PPP2R2B: variants seen among roughly 807,000 people sequenced by gnomAD.
The protein encoded by PPP2R2B is protein phosphatase 2 regulatory subunit Bbeta.
In PPP2R2B, 5 loss-of-function variants were observed where a neutral mutation model predicts 46.0. The observed-to-expected ratio is 0.11, with a 90% CI of 0.06 to 0.23. The LOEUF (loss-of-function observed/expected upper bound fraction) is 0.23, where lower values mean the gene tolerates loss of function less well. Among genes scored for constraint, PPP2R2B ranks in the 10% least tolerant of loss-of-function variants. The probability of loss-of-function intolerance (pLI) is 1.00; values close to 1 mark genes in which losing one functional copy is unlikely to be tolerated. For synonymous variants in PPP2R2B, 215 were observed against 206.7 expected, an observed-to-expected ratio of 1.04 and a Z score of -0.34; for missense variants, 367 against 575.0, an observed-to-expected ratio of 0.64 and a Z score of 3.70.
intron 1 of PPP2R2B, among the ~76,000 whole-genome samples, chr5:146,954,083 T>G (rs1291407578): frequency 1.3e-5 from 2 of 151,910 alleles, no homozygotes; most frequent in East Asian, 3.9e-4. Context: ...ATGACAGCAT[T>G]TCCCTGTAGA....
chr5:146,769,338 T>C (rs1236601780), intron 2 of PPP2R2B, among the ~76,000 whole-genome samples: 2 of 152,220 alleles, frequency 1.3e-5, no homozygotes, highest in East Asian at 3.8e-4. Flanking sequence ...TCAGAAACTC[T>C]GGGGTGTGGC....
intron 2 of PPP2R2B, among the ~76,000 whole-genome samples, chr5:146,803,577 T>A (rs1756994323): frequency 6.6e-6 from 1 of 152,150 alleles, no homozygotes; most frequent in Non-Finnish European, 1.5e-5. Flanking sequence ...TCTAGCTAAG[T>A]CATGCAGCTT....
upstream of PPP2R2B, chr5:147,056,228 G>T: frequency 3.1e-6 from 2 of 650,264 alleles, no homozygotes; most frequent in Non-Finnish European, 3.8e-6. Context: ...GAGAGAGATG[G>T]CTGTTAAAAG....
chr5:146,723,154 G>A (rs1300075656), intron 2 of PPP2R2B, among the ~76,000 whole-genome samples: 1 of 152,162 alleles, frequency 6.6e-6, no homozygotes, highest in African/African-American at 2.4e-5. Context: ...CATTGAGAGA[G>A]CATATGTTGG....
In PPP2R2B at chr5:146,693,846, T is replaced by C. The variant is rs150128042; in HGVS notation, c.335-2606A>G. Among the ~76,000 whole-genome samples, 352 of 152,324 alleles carry C rather than the reference T, an allele frequency of 2.3e-3. 1 individual carries two copies. The highest frequency in any genetic ancestry group is 7.8e-3 in the African/African-American group (326 of 41,576). ...GGGCAACTATTCTGCCATAATAACA[T>C]GTTGCTCTGACAGCTTTAGCTTCAA... On this transcript the variant is annotated intron_variant, in intron 4 of 9. Transcript: ENST00000394411.
At chr5:146,658,350 C>T (rs1352528265) in intron 5 of PPP2R2B, among the ~76,000 whole-genome samples, 1 of 152,164 alleles carries the variant, frequency 6.6e-6, no homozygotes, top group Non-Finnish European at 1.5e-5. Flanking sequence ...ATCACCTTGC[C>T]TTTTCACTGG....
chr5:146,999,013 CAAAAAA>C (rs60753702), intron 1 of PPP2R2B, among the ~76,000 whole-genome samples: 5 of 65,312 alleles, frequency 7.7e-5, no homozygotes, highest in East Asian at 5.6e-4. Flanking sequence ...GACTCCATAT[CAAAAAA>C]AAAAAAAAAA....
intron 1 of PPP2R2B, among the ~76,000 whole-genome samples, chr5:147,002,424 G>A (rs1258830845): frequency 6.6e-6 from 1 of 152,134 alleles, no homozygotes; most frequent in Non-Finnish European, 1.5e-5. Flanking sequence ...ATCCCACAGG[G>A]TATGGCCCTC....
intron 1 of PPP2R2B, among the ~76,000 whole-genome samples, chr5:146,941,899 G>A (rs1764334944): frequency 6.6e-6 from 1 of 152,102 alleles, no homozygotes; most frequent in African/African-American, 2.4e-5. Flanking sequence ...GTTGGCAGGG[G>A]CAACCACCCT....
At position 147,022,557 on chromosome 5, in the gene PPP2R2B, C is replaced by CA. The variant is rs35755206; in HGVS notation, c.79+33107dup. Among the ~76,000 whole-genome samples, 337 of 147,242 alleles carry CA rather than the reference C, an allele frequency of 2.3e-3. 1 individual carries two copies. The highest frequency in any genetic ancestry group is 3.2e-3 in the Admixed American group (47 of 14,730). ...CCTGGTGACAGAGCAAGGCTCCATC[C>CA]AAAAAAAAAAATCCAAATTTAATAA... On this transcript the variant is annotated intron_variant, in intron 1 of 8. Transcript: ENST00000336640.
rs60522229 is a variant in PPP2R2B at position 147,051,753 on chromosome 5, CTTTTTTT to C, written c.79+3905_79+3911del. Among the ~76,000 whole-genome samples the C allele has an allele frequency of 5.6e-4, 52 of 92,374 alleles. No individual in the cohort carries two copies. The East Asian group carries it at 0.017, about 30-fold the overall frequency. The allele number at this position is 92,374 out of a possible 152,430, so 60.6% of individuals were successfully genotyped here. ...GACTCTCTCATTTCTGTTTTGCTTC[CTTTTTTT>C]TTTTTTTTTTTTTTTTTTTTGAGAT... On this transcript the variant is annotated intron_variant, in intron 1 of 8. Transcript: ENST00000336640.
In PPP2R2B at chr5:146,681,130, T is replaced by C. The variant is rs369109545; in HGVS notation, c.447+9998A>G. ...CAAAGTGATCATGTCCTCTATTGAG[T>C]TGGATTCCAAATCCATTTGCACTAA... On this transcript the variant is annotated intron_variant, in intron 5 of 9. Coordinates refer to ENST00000394411, the MANE Select transcript of PPP2R2B (RefSeq NM_181675.4). 7.2e-5 allele frequency among the ~76,000 whole-genome samples: 11 copies of C among 152,278 alleles called. No individual in the cohort carries two copies. In the East Asian group the frequency reaches 1.4e-3, roughly 19 times the overall value.
intron 2 of PPP2R2B, among the ~76,000 whole-genome samples, chr5:146,756,974 G>A (rs1316758036): frequency 1.3e-5 from 2 of 152,214 alleles, no homozygotes; most frequent in Non-Finnish European, 2.9e-5. Flanking sequence ...ATTAAGGAGG[G>A]TAGACAATGG....
intron 1 of PPP2R2B, among the ~76,000 whole-genome samples, chr5:147,019,013 A>C (rs1755135588): frequency 6.6e-6 from 1 of 152,198 alleles, no homozygotes; most frequent in Non-Finnish European, 1.5e-5. Context: ...CTCTCTGTTT[A>C]TTACTGCAAG....
In PPP2R2B at chr5:146,937,262, T is replaced by C. The variant is rs562828096; in HGVS notation, c.79+118403A>G. ...CTTGCAGTGAGCCGAGATCATACCATTGCACTCCAGCCTGGGTGACAGAGT... is the reference window on the plus strand; with the variant it reads ...CTTGCAGTGAGCCGAGATCATACCACTGCACTCCAGCCTGGGTGACAGAGT... On this transcript the variant is annotated intron_variant, in intron 1 of 8. Coordinates refer to the PPP2R2B transcript ENST00000336640. 1.7e-3 allele frequency among the ~76,000 whole-genome samples: 258 copies of C among 151,132 alleles called. 1 individual carries two copies. Among genetic ancestry groups the C allele is most frequent in the Non-Finnish European group, 2.8e-3 (192 of 67,802 alleles).
At position 146,718,491 on chromosome 5, in the gene PPP2R2B, G is replaced by A. The variant is rs370379469; in HGVS notation, c.71-17349C>T. On this transcript the variant is annotated intron_variant, in intron 2 of 9. Transcript: ENST00000394411. Reference sequence around the variant, plus strand: ...GTTCTTACACACACACGTACATTTGGTTTTCAGTTGAATTGAGTGTAGCAG... The same window carrying A: ...GTTCTTACACACACACGTACATTTGATTTTCAGTTGAATTGAGTGTAGCAG... Among the ~76,000 whole-genome samples, 81 of 152,168 alleles carry A rather than the reference G, an allele frequency of 5.3e-4. No individual in the cohort carries two copies. In the South Asian group the frequency reaches 0.017, roughly 31 times the overall value.
rs74993396 is a variant in PPP2R2B at position 146,835,949 on chromosome 5, A to G, written c.70+42053T>C. ...TTCCACCGATTTAAGCTATGGGACC[A>G]ATTATGAAACTTTCCAAAGCCTGAG... On this transcript the variant is annotated intron_variant, in intron 2 of 9. Coordinates refer to ENST00000394411, the MANE Select transcript of PPP2R2B (RefSeq NM_181675.4). Among the ~76,000 whole-genome samples the G allele has an allele frequency of 4.1e-3, 627 of 152,296 alleles. 6 individuals are homozygous for G. Among genetic ancestry groups the G allele is most frequent in the African/African-American group, 0.014 (595 of 41,560 alleles).
At chr5:146,615,806 T>G (rs1455593558) in intron 7 of PPP2R2B, among the ~76,000 whole-genome samples, 1 of 152,166 alleles carries the variant, frequency 6.6e-6, no homozygotes, top group Non-Finnish European at 1.5e-5. Context: ...ACTGCTAAAA[T>G]GTCCATGCCA....
At chr5:146,635,581 G>A (rs1174701604) in intron 7 of PPP2R2B, among the ~76,000 whole-genome samples, 1 of 152,156 alleles carries the variant, frequency 6.6e-6, no homozygotes, top group Non-Finnish European at 1.5e-5. Context: ...GGCTTCCCGT[G>A]CCATCCCTGG....
Sources: gnomAD v4.1 joint callset for allele counts (sites outside exome capture counted in the v4.1 genomes callset) on GRCh38, gnomAD v4.1.1 for gene constraint, MANE v1.5 for transcripts, NCBI Gene and HGNC (gene_info 2026-07-23, HGNC 2026-07-21) for gene names.